ZNF423: variants seen among roughly 807,000 people sequenced by gnomAD.
ZNF423 encodes the protein Ebf-associated zinc finger protein.
In ZNF423, 12 loss-of-function variants were observed where a neutral mutation model predicts 95.8. That is an observed-to-expected ratio of 0.13 (90% confidence interval 0.08 to 0.20). The LOEUF (loss-of-function observed/expected upper bound fraction) is 0.20. Among genes scored for constraint, ZNF423 ranks in the 10% least tolerant of loss-of-function variants. The probability of loss-of-function intolerance (pLI) is 1.00; values close to 1 mark genes in which losing one functional copy is unlikely to be tolerated. For missense variants in ZNF423, 1,316 were observed against 1,737.1 expected, an observed-to-expected ratio of 0.76 and a Z score of 4.31; for synonymous variants, 749 against 711.9, an observed-to-expected ratio of 1.05 and a Z score of -0.83.
At chr16:49,543,302 G>A (rs948370771) in intron 5 of ZNF423, among the ~76,000 whole-genome samples, 7 of 152,218 alleles carry the variant, frequency 4.6e-5, no homozygotes, top group African/African-American at 7.2e-5. Flanking sequence ...CCCAAGCAGC[G>A]GGCCTTCTCC....
intron 1 of ZNF423, among the ~76,000 whole-genome samples, chr16:49,803,933 CTTTTTT>C (rs535349308): frequency 1.3e-4 from 14 of 109,498 alleles, no homozygotes; most frequent in African/African-American, 2.1e-4. Context: ...GGATGAGTTT[CTTTTTT>C]TTTTTTTTTT....
chr16:49,733,887 T>G (rs1447232513), intron 2 of ZNF423, among the ~76,000 whole-genome samples: 1 of 152,216 alleles, frequency 6.6e-6, no homozygotes, highest in Admixed American at 6.5e-5. Context: ...TGCACTTTCA[T>G]GCCCAGGAGT....
chr16:49,775,695 A>G lies in ZNF423; in HGVS notation c.100+13792T>C, dbSNP rs76363753. On this transcript the variant is annotated intron_variant, in intron 2 of 7. Transcript: ENST00000563137. ...TTGTGCTGTGTGTGTTCACCTGCCC[A>G]CTGCTGCCTCCTCACTCTAGAATGT... is the stretch of plus-strand genomic sequence containing the variant. 2.3e-4 allele frequency among the ~76,000 whole-genome samples: 35 copies of G among 152,284 alleles called. 1 individual carries two copies. The East Asian group carries it at 5.8e-3, about 25-fold the overall frequency.
At chr16:49,771,984 G>A (rs955437817) in intron 2 of ZNF423, among the ~76,000 whole-genome samples, 1 of 152,150 alleles carries the variant, frequency 6.6e-6, no homozygotes, top group Admixed American at 6.6e-5. Context: ...GGATCACACA[G>A]ATGTGTTATG....
chr16:49,532,749 T>C (rs1268095275), intron 5 of ZNF423, among the ~76,000 whole-genome samples: 3 of 152,180 alleles, frequency 2.0e-5, no homozygotes. Flanking sequence ...CTTTTTTTGA[T>C]CTGTGGGCCA....
chr16:49,576,903 A>G (rs1026548604), intron 5 of ZNF423, among the ~76,000 whole-genome samples: 3 of 152,372 alleles, frequency 2.0e-5, no homozygotes, highest in African/African-American at 7.2e-5. Flanking sequence ...GTTTAATACT[A>G]TTCAATGAAG....
chr16:49,549,791 GAACT>G (rs1486492398), intron 5 of ZNF423, among the ~76,000 whole-genome samples: 22 of 152,268 alleles, frequency 1.4e-4, no homozygotes, highest in Admixed American at 5.2e-4. Flanking sequence ...CCCAGCCAGT[GAACT>G]AACTACATTT....
At chr16:49,641,668 T>A (rs1972980510) in intron 3 of ZNF423, among the ~76,000 whole-genome samples, 1 of 152,190 alleles carries the variant, frequency 6.6e-6, no homozygotes, top group Non-Finnish European at 1.5e-5. Flanking sequence ...TATGAATTCA[T>A]CCATGCCCTG....
rs33953484 is a variant in ZNF423, at chr16:49,827,520, C to CT, written c.40+28214dup. ...GAAGAATGAATGAATGAACAGCTAA[C>CT]TTTTTTTTTTTTTGAGTTGGGGTCT... On this transcript the variant is annotated intron_variant, in intron 1 of 7. Coordinates refer to ENST00000563137, the MANE Select transcript of ZNF423 (RefSeq NM_001379286.1). Among the ~76,000 whole-genome samples, 567 of 149,412 alleles carry CT rather than the reference C, an allele frequency of 3.8e-3. 3 individuals are homozygous for CT. The highest frequency in any genetic ancestry group is 0.011 in the African/African-American group (462 of 40,626).
chr16:49,692,396 T>C (rs2031818133), intron 3 of ZNF423, among the ~76,000 whole-genome samples: 1 of 152,156 alleles, frequency 6.6e-6, no homozygotes, highest in South Asian at 2.1e-4. Context: ...CCAAGAGGTC[T>C]GCCCCAGGAA....
intron 2 of ZNF423, among the ~76,000 whole-genome samples, chr16:49,765,733 A>T (rs1287057809): frequency 1.3e-5 from 2 of 152,218 alleles, no homozygotes; most frequent in African/African-American, 4.8e-5. Flanking sequence ...AAATAAAAAA[A>T]TAAGTCAAAG....
chr16:49,719,111 C>G (rs188667477), intron 3 of ZNF423, among the ~76,000 whole-genome samples: 1 of 152,126 alleles, frequency 6.6e-6, no homozygotes, highest in Non-Finnish European at 1.5e-5. Context: ...ATCTTTATGC[C>G]CAACAGAATC....
intron 5 of ZNF423, among the ~76,000 whole-genome samples, chr16:49,588,138 G>A (rs1403631573): frequency 2.0e-5 from 3 of 152,222 alleles, no homozygotes; most frequent in African/African-American, 7.2e-5. Flanking sequence ...GGCATGAGAG[G>A]AAAACTATTC....
At chr16:49,692,826 T>C (rs570701316) in intron 3 of ZNF423, among the ~76,000 whole-genome samples, 25 of 152,370 alleles carry the variant, frequency 1.6e-4, no homozygotes, top group African/African-American at 6.0e-4. Context: ...AGTGTTTAGA[T>C]GAGAGGTGAA....
At chr16:49,757,076 G>A (rs184476083) in intron 2 of ZNF423, among the ~76,000 whole-genome samples, 2 of 152,266 alleles carry the variant, frequency 1.3e-5, no homozygotes, top group African/African-American at 2.4e-5. Flanking sequence ...TAAATTACTT[G>A]TCACGATGCA....
intron 1 of ZNF423, among the ~76,000 whole-genome samples, chr16:49,820,298 A>G (rs1001379032): frequency 6.6e-6 from 1 of 152,198 alleles, no homozygotes; most frequent in Non-Finnish European, 1.5e-5. Flanking sequence ...CCCTGCCCCA[A>G]GATATGAGCA....
At chr16:49,667,956 C>A (rs1421822386) in intron 3 of ZNF423, among the ~76,000 whole-genome samples, 1 of 152,136 alleles carries the variant, frequency 6.6e-6, no homozygotes, top group African/African-American at 2.4e-5. Flanking sequence ...CTGGCAGAGG[C>A]AGTGTGCAAA....
chr16:49,634,582 C>T (rs1308994294), intron 4 of ZNF423, among the ~76,000 whole-genome samples: 1 of 152,192 alleles, frequency 6.6e-6, no homozygotes, highest in Non-Finnish European at 1.5e-5. Context: ...CCTCAGCAAA[C>T]ACCCCTGTGT....
In ZNF423 at chr16:49,488,902, C is replaced by G; in HGVS notation, c.*2373G>C. On this transcript the variant is annotated 3_prime_UTR_variant, in exon 8 of 8. Transcript: ENST00000563137. Reference sequence around the variant, plus strand: ...TCAGCCGTAGCAGCAGGGACAGAGCCAGCCGGAGAACAATGCGGCCGGGGT... The same window carrying G: ...TCAGCCGTAGCAGCAGGGACAGAGCGAGCCGGAGAACAATGCGGCCGGGGT... The G allele has an allele frequency of 6.6e-6, 1 of 152,508 alleles. No individual in the cohort carries two copies. The highest frequency in any genetic ancestry group is 1.9e-4 in the East Asian group (1 of 5,188). 9.4% of individuals were successfully genotyped at this position (152,508 alleles called of 1,614,324 possible).
Sources: allele counts gnomAD v4.1 joint callset (sites outside exome capture counted in the v4.1 genomes callset), GRCh38; gene constraint gnomAD v4.1.1; transcripts MANE v1.5; gene names NCBI Gene and HGNC (gene_info 2026-07-23, HGNC 2026-07-21).